CALCR: variants seen among roughly 807,000 people sequenced by gnomAD.
The protein encoded by CALCR is calcitonin receptor.
In CALCR, 47 loss-of-function variants were observed where a neutral mutation model predicts 59.5. That is an observed-to-expected ratio of 0.79 (90% CI 0.63 to 1.01). The LOEUF is 1.01. CALCR is among the 50% of genes least tolerant of loss of function. CALCR has a pLI of 0.00. For synonymous variants in CALCR, 213 were observed against 211.3 expected, an observed-to-expected ratio of 1.01 and a Z score of -0.07; for missense variants, 566 against 597.1, an observed-to-expected ratio of 0.95 and a Z score of 0.54.
intron 2 of CALCR, among the ~76,000 whole-genome samples, chr7:93,542,799 G>A (rs1439976903): frequency 6.6e-6 from 1 of 151,984 alleles, no homozygotes; most frequent in African/African-American, 2.4e-5. Context: ...TAAGCCCACA[G>A]GGTCAGGATC....
At chr7:93,441,101 A>G (rs2115717157) in intron 9 of CALCR, among the ~76,000 whole-genome samples, 1 of 152,234 alleles carries the variant, frequency 6.6e-6, no homozygotes, top group African/African-American at 2.4e-5. Flanking sequence ...CTAATTCACA[A>G]TGCATCAGTA....
intron 7 of CALCR, among the ~76,000 whole-genome samples, chr7:93,465,986 G>A (rs999258560): frequency 1.3e-5 from 2 of 151,728 alleles, no homozygotes; most frequent in Non-Finnish European, 2.9e-5. Context: ...TCCTTTTTAT[G>A]AGACACATTT....
At chr7:93,487,122 C>T in intron 2 of CALCR, 115 bp from the exon 3 acceptor site, 1 of 590,556 alleles carries the variant, frequency 1.7e-6, no homozygotes, top group East Asian at 3.1e-5. Context: ...CCCAAGACAC[C>T]CTAAAAAACA....
chr7:93,536,103 A>G (rs752518602), intron 2 of CALCR, among the ~76,000 whole-genome samples: 36 of 151,826 alleles, frequency 2.4e-4, no homozygotes, highest in Non-Finnish European at 4.3e-4. Flanking sequence ...AAAAGGAGTA[A>G]CTTAACTGGT....
At chr7:93,518,571 G>A (rs989506) in intron 2 of CALCR, among the ~76,000 whole-genome samples, 124,192 of 151,818 alleles carry the variant, frequency 0.82, 51,207 homozygotes, top group African/African-American at 0.87. Context: ...GGGAGCATAG[G>A]GATACAATCT....
At chr7:93,501,250 C>T (rs1801315869) in intron 2 of CALCR, among the ~76,000 whole-genome samples, 1 of 151,984 alleles carries the variant, frequency 6.6e-6, no homozygotes, top group African/African-American at 2.4e-5. Flanking sequence ...TTTCAATGTG[C>T]AATTTAATTT....
intron 3 of CALCR, chr7:93,484,067 A>G: frequency 2.1e-6 from 1 of 479,506 alleles, no homozygotes; most frequent in Non-Finnish European, 4.5e-6. Context: ...TTTTCAGTCG[A>G]CAAATACTTT....
intron 2 of CALCR, among the ~76,000 whole-genome samples, 182 bp from the exon 3 acceptor site, chr7:93,487,189 T>C (rs1800965175): frequency 6.6e-6 from 1 of 151,398 alleles, no homozygotes. Context: ...TCCATTGCTT[T>C]TCCTGTCAAC....
rs763820651 is a variant in CALCR, at chr7:93,482,890, A to T, written c.52-3383T>A. 9.4e-6 allele frequency: 5 copies of T among 531,398 alleles called. No individual in the cohort carries two copies. The Admixed American group carries it at 9.8e-5, about 10-fold the overall frequency. 32.9% of individuals were successfully genotyped at this position (531,398 alleles called of 1,614,324 possible). ...CCTCTGTTGTCAGATGAGCAGTAAT[A>T]ATCTGCATCAGTTCCTGGTCTGGTT... On this transcript the variant is annotated intron_variant, in intron 3 of 13. Coordinates refer to ENST00000426151, the MANE Select transcript of CALCR (RefSeq NM_001742.4).
intron 2 of CALCR, among the ~76,000 whole-genome samples, chr7:93,544,456 A>T (rs1789230227): frequency 6.6e-6 from 1 of 151,980 alleles, no homozygotes; most frequent in Admixed American, 6.6e-5. Context: ...TTCTTTGCAT[A>T]TTTTCATATT....
intron 2 of CALCR, among the ~76,000 whole-genome samples, chr7:93,559,239 C>A (rs1363191112): frequency 6.6e-6 from 1 of 152,072 alleles, no homozygotes; most frequent in Non-Finnish European, 1.5e-5. Context: ...GATTCACACA[C>A]ACAAACCAGG....
intron 2 of CALCR, among the ~76,000 whole-genome samples, chr7:93,557,766 T>C (rs1001234318): frequency 6.6e-6 from 1 of 151,978 alleles, no homozygotes; most frequent in Non-Finnish European, 1.5e-5. Flanking sequence ...TGCTTTGAAT[T>C]TTCTGTCATT....
chr7:93,564,256 G>C (rs1366357877), intron 2 of CALCR, among the ~76,000 whole-genome samples: 1 of 152,108 alleles, frequency 6.6e-6, no homozygotes, highest in Admixed American at 6.5e-5. Flanking sequence ...TGTGTGGGGG[G>C]GGACAGAGTG....
chr7:93,457,082 C>G (rs543565245), intron 8 of CALCR, among the ~76,000 whole-genome samples: 1 of 152,096 alleles, frequency 6.6e-6, no homozygotes, highest in Non-Finnish European at 1.5e-5. Context: ...GGCATGTCTA[C>G]CCCTAAAAAG....
At chr7:93,492,948 T>G (rs1470635523) in intron 2 of CALCR, among the ~76,000 whole-genome samples, 1 of 151,374 alleles carries the variant, frequency 6.6e-6, no homozygotes. Context: ...TATAATAGTT[T>G]AATTTAGCTG....
At chr7:93,492,348 A>C (rs994490051) in intron 2 of CALCR, among the ~76,000 whole-genome samples, 2 of 151,514 alleles carry the variant, frequency 1.3e-5, no homozygotes, top group African/African-American at 4.8e-5. Flanking sequence ...CATATTTTAA[A>C]AAACAAAAAT....
intron 2 of CALCR, among the ~76,000 whole-genome samples, chr7:93,504,286 A>T (rs1311282195): frequency 6.6e-6 from 1 of 152,222 alleles, no homozygotes; most frequent in Non-Finnish European, 1.5e-5. Context: ...TACATTTCAC[A>T]CTTGCCTTCC....
chr7:93,545,953 C>T (rs1475694232), intron 2 of CALCR, among the ~76,000 whole-genome samples: 2 of 151,986 alleles, frequency 1.3e-5, no homozygotes, highest in African/African-American at 4.8e-5. Context: ...AGCTCTCCTA[C>T]ACATATATAT....
intron 7 of CALCR, chr7:93,461,991 T>C: frequency 1.1e-6 from 1 of 884,940 alleles, no homozygotes; most frequent in South Asian, 1.6e-5. Flanking sequence ...TGGAATAAAG[T>C]TAGAAATGAA....
Sources: allele counts gnomAD v4.1 joint callset (sites outside exome capture counted in the v4.1 genomes callset), GRCh38; gene constraint gnomAD v4.1.1; transcripts MANE v1.5; gene names NCBI Gene and HGNC (gene_info 2026-07-23, HGNC 2026-07-21).